The following ITGB4 variants were observed in gnomAD, a reference collection of about 807,000 sequenced individuals.
The protein encoded by ITGB4 is integrin subunit beta 4, also known as integrin beta-4.
A neutral mutation model predicts 207.6 loss-of-function variants in ITGB4; 159 were observed. That is an observed-to-expected ratio of 0.77 (90% CI 0.67 to 0.87). The LOEUF is 0.87. Ranked by LOEUF, ITGB4 falls within the 40% of genes least tolerant of loss-of-function variation. ITGB4 has a pLI of 0.00. For synonymous variants in ITGB4, 1,020 were observed against 1,062.7 expected, an observed-to-expected ratio of 0.96 and a Z score of 0.78; for missense variants, 2,278 against 2,546.8, an observed-to-expected ratio of 0.89 and a Z score of 2.27.
At chr17:75,755,332 G>A (rs1017210203) in intron 34 of ITGB4, 54 of 1,120,622 alleles carry the variant, frequency 4.8e-5, no homozygotes, top group East Asian at 2.8e-4. Context: ...CAGGACCCCC[G>A]CCTGCCCACA....
At chr17:75,735,424 T>TTA (rs1295738224) in intron 13 of ITGB4, among the ~76,000 whole-genome samples, 1 of 145,272 alleles carries the variant, frequency 6.9e-6, no homozygotes, top group East Asian at 2.0e-4. Flanking sequence ...TTTTTTTTTT[T>TTA]TTTTTTTGAG....
rs754832163 is a variant in ITGB4, at chr17:75,756,995, C to G, written c.5106C>G (p.Thr1702=). The change falls in exon 38 of 40, where the codon ACC becomes ACG. Residue 1702 remains threonine (T), a synonymous_variant. Coordinates refer to ENST00000200181, the MANE Select transcript of ITGB4 (RefSeq NM_000213.5). ...GAGACAGCCCCGAGAGCCGGCTGAC[C>G]GTGCCGGGCCTCAGCGAGAACGTGC... The part of the protein sequence containing the change: ...VDGDSPESRL[T]VPGLSENVPY... 3.7e-6 allele frequency: 6 copies of G among 1,612,842 alleles called. No homozygotes were observed. Among genetic ancestry groups the G allele is most frequent in the Non-Finnish European group, 5.1e-6 (6 of 1,179,962 alleles).
chr17:75,736,672 G>C lies in ITGB4; in HGVS notation c.1968G>C (p.Lys656Asn). The change falls in exon 16 of 40, where the codon AAG (lysine) becomes AAC (asparagine). Residue 656 changes from lysine (K) to asparagine (N), a missense_variant. Transcript: ENST00000200181. ...GTGAGGAATGCAACTTCAAGGTCAA[G>C]ATGGTGGACGAGCTTAAGAGAGGTA... ...RTCEECNFKV[K>N]MVDELKRAEE... is the part of the protein sequence containing the mutation. 1 of 1,597,010 alleles carries C rather than the reference G, an allele frequency of 6.3e-7. No homozygotes were observed. The highest frequency in any genetic ancestry group is 8.5e-7 in the Non-Finnish European group (1 of 1,173,132).
chr17:75,737,245 G>A lies in ITGB4; in HGVS notation c.1991-77G>A. 5 of 1,534,790 alleles carry A rather than the reference G, an allele frequency of 3.3e-6. No homozygotes were observed. In the South Asian group the frequency reaches 6.0e-5, roughly 18 times the overall value. On this transcript the variant is annotated intron_variant, in intron 16 of 39. Transcript: ENST00000200181. ...GGGTGAGGCAGATCGCAGAGTAGGGGCCCCCTCACCAGACCCTGGGTCCTC... is the reference window on the plus strand; with the variant it reads ...GGGTGAGGCAGATCGCAGAGTAGGGACCCCCTCACCAGACCCTGGGTCCTC...
Position 75,737,529 on chromosome 17 carries a change from C to A in ITGB4, c.2114-9C>A. The A allele has an allele frequency of 6.4e-7, 1 of 1,565,756 alleles. No homozygotes were observed. The highest frequency in any genetic ancestry group is 1.4e-5 in the African/African-American group (1 of 73,584). ...CAGGCACCACCTCCCCCTGCCTCCT[C>A]CTCTCCAGACTGCCCTCCGGGCTCC... On this transcript the variant is annotated splice_polypyrimidine_tract_variant and intron_variant, in intron 17 of 39. Transcript: ENST00000200181.
rs1204871064 is a variant in ITGB4 at position 75,756,810 on chromosome 17, TG to T, written c.5008del (p.Asp1670IlefsTer7). 6.2e-7 allele frequency: 1 copy of T among 1,612,244 alleles called. No homozygotes were observed. The highest frequency in any genetic ancestry group is 8.5e-7 in the Non-Finnish European group (1 of 1,179,970). ...GCTGGGAGCGGCCACGGAGGCCCAA[TG>T]GGGATATCGTCGGCTACCTGGTGAC... ...LSWERPRRPN[G>X]DIVGYLVTCE... On this transcript the variant is annotated frameshift_variant, in exon 37 of 40. Coordinates refer to ENST00000200181, the MANE Select transcript of ITGB4 (RefSeq NM_000213.5). LOFTEE classifies it high-confidence loss of function.
rs2061515230 is a variant in ITGB4 at position 75,756,726 on chromosome 17, T to G, written c.4920T>G (p.Thr1640=). 1.2e-6 allele frequency: 2 copies of G among 1,613,054 alleles called. No homozygotes were observed. The change falls in exon 37 of 40, where the codon ACT becomes ACG. Residue 1640 remains threonine (T), a synonymous_variant. Coordinates refer to ENST00000200181, the MANE Select transcript of ITGB4 (RefSeq NM_000213.5). Reference sequence around the variant, plus strand: ...CAGGCTCCGCCTTCACTTTGAGCACTCCCAGTGCCCCAGGCCCGCTGGTGT... The same window carrying G: ...CAGGCTCCGCCTTCACTTTGAGCACGCCCAGTGCCCCAGGCCCGCTGGTGT... ...PLPGSAFTLS[T]PSAPGPLVFT...
chr17:75,736,907 C>T (rs780470358), intron 16 of ITGB4, among the ~76,000 whole-genome samples: 1 of 152,006 alleles, frequency 6.6e-6, no homozygotes, highest in Non-Finnish European at 1.5e-5. Context: ...GGCACAGAAC[C>T]CAGGCGGTGG....
In ITGB4 at chr17:75,742,651, G is replaced by A. The variant is rs375270404; in HGVS notation, c.2852G>A (p.Arg951Gln). 101 of 1,613,914 alleles carry A rather than the reference G, an allele frequency of 6.3e-5. No homozygotes were observed. The highest frequency in any genetic ancestry group is 1.9e-4 in the South Asian group (17 of 91,086). Residue 951 changes from arginine to glutamine, a missense_variant, in exon 25 of 40, where the codon CGG (arginine) becomes CAG (glutamine). Coordinates refer to ENST00000200181, the MANE Select transcript of ITGB4 (RefSeq NM_000213.5). This position sits in a 1 kb window ranked among gnomAD's most constrained non-coding sequence, Gnocchi z 5.9. Reference protein sequence around the residue: ...LVDVRVPLFIRPEDDDEKQLL... With the variant: ...LVDVRVPLFIQPEDDDEKQLL... Reference sequence around the variant, plus strand: ...GACGTACGGGTGCCCCTCTTTATCCGGCCTGAGGATGACGACGAGAAGCAG... The same window carrying A: ...GACGTACGGGTGCCCCTCTTTATCCAGCCTGAGGATGACGACGAGAAGCAG...
chr17:75,740,428 G>T lies in ITGB4; in HGVS notation c.2517G>T (p.Glu839Asp), dbSNP rs1156423816. ...TENLLKPDTRECAQLRQEVEE... is the reference protein window; with the variant it reads ...TENLLKPDTRDCAQLRQEVEE... Reference sequence around the variant, plus strand: ...ACCTGCTGAAGCCTGACACTCGGGAGTGCGCCCAGCTGCGCCAGGAGGTGG... The same window carrying T: ...ACCTGCTGAAGCCTGACACTCGGGATTGCGCCCAGCTGCGCCAGGAGGTGG... Residue 839 changes from glutamate (E) to aspartate (D), a missense_variant, in exon 21 of 40, where the codon GAG (glutamate) becomes GAT (aspartate). Coordinates refer to ENST00000200181, the MANE Select transcript of ITGB4 (RefSeq NM_000213.5). The surrounding 1 kb of genome is among the most constrained non-coding windows in gnomAD (Gnocchi z 5.9). The T allele has an allele frequency of 6.2e-7, 1 of 1,613,796 alleles. No homozygotes were observed. Among genetic ancestry groups the T allele is most frequent in the Admixed American group, 1.7e-5 (1 of 60,006 alleles).
chr17:75,749,041 C>T lies in ITGB4; in HGVS notation c.3312C>T (p.Asp1104=), dbSNP rs1456604388. ...ACTCCACCACCATCATCATCAGGGA[C>T]CCAGGTAGGCAGAGCCTGGGGGTCG... ...QPHSTTIIIR[D]PDELDRSFTS... The change falls in exon 27 of 40, where the codon GAC becomes GAT. Residue 1104 remains aspartate, a synonymous_variant. Transcript: ENST00000200181. 6.2e-7 allele frequency: 1 copy of T among 1,610,042 alleles called. No homozygotes were observed.
rs749736808 is a variant in ITGB4 at position 75,727,266 on chromosome 17, T to C, written c.151T>C (p.Cys51Arg). 1.9e-6 allele frequency: 3 copies of C among 1,613,858 alleles called. No homozygotes were observed. Among genetic ancestry groups the C allele is most frequent in the Non-Finnish European group, 2.5e-6 (3 of 1,179,962 alleles). Residue 51 changes from cysteine (C) to arginine (R), a missense_variant, in exon 3 of 40, where the codon TGC becomes CGC. Cys to Arg is a radical substitution (Grantham distance 180, BLOSUM62 -3). Transcript: ENST00000200181. This position sits in a 1 kb window ranked among gnomAD's most constrained non-coding sequence, Gnocchi z 6.0. ...CCGTGTGGATAAGGACTGCGCCTACTGCACAGACGAGGTGAGGACCTGGCC... is the reference window on the plus strand; with the variant it reads ...CCGTGTGGATAAGGACTGCGCCTACCGCACAGACGAGGTGAGGACCTGGCC... Reference protein sequence around the residue: ...CVRVDKDCAYCTDEMFRDRRC... With the variant: ...CVRVDKDCAYRTDEMFRDRRC...
In ITGB4 at chr17:75,748,954, G is replaced by A. The variant is rs1441219135; in HGVS notation, c.3225G>A (p.Gln1075=). 7.4e-6 allele frequency: 12 copies of A among 1,613,452 alleles called. No homozygotes were observed. Among genetic ancestry groups the A allele is most frequent in the Non-Finnish European group, 9.3e-6 (11 of 1,179,998 alleles). The change falls in exon 27 of 40, where the codon CAG becomes CAA. Residue 1075 remains glutamine (Q), a synonymous_variant. Coordinates refer to ENST00000200181, the MANE Select transcript of ITGB4 (RefSeq NM_000213.5). ...TTGACTCCCTCCTGCGGGGCCGCCA[G>A]GTCCGCCGTTTCCACGTCCAGCTCA... The part of the protein sequence containing the change: ...QEVDSLLRGR[Q]VRRFHVQLSN...
Position 75,756,794 on chromosome 17 carries a change from G to T in ITGB4, c.4988G>T (p.Arg1663Leu), listed in dbSNP as rs770271972. 6.2e-7 allele frequency: 1 copy of T among 1,612,592 alleles called. No individual in the cohort carries two copies. The highest frequency in any genetic ancestry group is 1.7e-5 in the Admixed American group (1 of 60,028). ...GACTCGCTGCAGCTGAGCTGGGAGC[G>T]GCCACGGAGGCCCAATGGGGATATC... Reference protein sequence around the residue: ...SPDSLQLSWERPRRPNGDIVG... With the variant: ...SPDSLQLSWELPRRPNGDIVG... The change falls in exon 37 of 40, where the codon CGG becomes CTG. Residue 1663 changes from arginine (R) to leucine (L), a missense_variant. Physicochemically the swap from Arg to Leu is moderately radical, Grantham distance 102 (BLOSUM62 -2). Coordinates refer to ENST00000200181, the MANE Select transcript of ITGB4 (RefSeq NM_000213.5).
At chr17:75,756,171 C>T (rs1008113554) in intron 35 of ITGB4, among the ~76,000 whole-genome samples, 5 of 152,190 alleles carry the variant, frequency 3.3e-5, no homozygotes, top group African/African-American at 1.2e-4. Context: ...GTGGCACTTC[C>T]CTGGGCAGGC....
chr17:75,751,245 G>T, intron 30 of ITGB4, 134 bp downstream of exon 30: 1 of 1,081,816 alleles, frequency 9.2e-7, no homozygotes. Flanking sequence ...CCTGGTCAGC[G>T]GATAAGCCTG....
Position 75,753,784 on chromosome 17 carries a change from G to T in ITGB4, c.4128G>T (p.Glu1376Asp), listed in dbSNP as rs921593977. The T allele has an allele frequency of 6.9e-7, 1 of 1,453,260 alleles. No individual in the cohort carries two copies. Among genetic ancestry groups the T allele is most frequent in the African/African-American group, 1.4e-5 (1 of 69,372 alleles). The allele number at this position is 1,453,260 out of a possible 1,614,324, so 90.0% of individuals were successfully genotyped here. Residue 1376 changes from glutamate (E) to aspartate (D), a missense_variant, in exon 33 of 40, where the codon GAG (glutamate) becomes GAT (aspartate). Coordinates refer to ENST00000200181, the MANE Select transcript of ITGB4 (RefSeq NM_000213.5). The part of the protein sequence containing the change: ...SDDTGCGWKF[E>D]PLLGEELDLR... ...CCCAAGGCTGCGGCTGGAAGTTCGA[G>T]CCCCTGCTGGGGGAGGAGCTGGACC...
Position 75,729,187 on chromosome 17 carries a change from G to T in ITGB4, c.567-78G>T. 6.0e-6 allele frequency: 8 copies of T among 1,343,900 alleles called. No homozygotes were observed. Among genetic ancestry groups the T allele is most frequent in the Non-Finnish European group, 8.3e-6 (8 of 965,602 alleles). 83.2% of individuals were successfully genotyped at this position (1,343,900 alleles called of 1,614,324 possible). On this transcript the variant is annotated intron_variant, in intron 6 of 39. Coordinates refer to ENST00000200181, the MANE Select transcript of ITGB4 (RefSeq NM_000213.5). The surrounding 1 kb of genome is among the most constrained non-coding windows in gnomAD (Gnocchi z 4.4). ...AAAAAAAAAAAAAATTCTCCTTCTA[G>T]TTGAAACGAGCCAGGGGCACTGGGG...
At chr17:75,748,077 G>A (rs2061272385) in intron 26 of ITGB4, among the ~76,000 whole-genome samples, 1 of 151,452 alleles carries the variant, frequency 6.6e-6, no homozygotes. Context: ...CCACGGCACT[G>A]AAAGGAAGAT....
Sources: allele counts gnomAD v4.1 joint callset (sites outside exome capture counted in the v4.1 genomes callset), GRCh38; gene constraint gnomAD v4.1.1; non-coding constraint Gnocchi (gnomAD v3.1); transcripts MANE v1.5; gene names NCBI Gene and HGNC (gene_info 2026-07-23, HGNC 2026-07-21).